The following PRKN variants were observed in gnomAD, a reference collection of about 807,000 sequenced individuals.
PRKN encodes the protein parkin RBR E3 ubiquitin protein ligase.
PRKN carries 56 observed loss-of-function variants against 59.5 expected under a neutral mutation model. The observed-to-expected ratio is 0.94, with a 90% confidence interval of 0.76 to 1.18. The LOEUF (loss-of-function observed/expected upper bound fraction) is 1.18. PRKN is among the 50% of genes most tolerant of loss of function. The pLI is 0.00. For synonymous variants in PRKN, 250 were observed against 222.1 expected, an observed-to-expected ratio of 1.13 and a Z score of -1.12; for missense variants, 657 against 596.4, an observed-to-expected ratio of 1.10 and a Z score of -1.06.
intron 7 of PRKN, among the ~76,000 whole-genome samples, chr6:161,628,051 C>A (rs75541685): frequency 0.021 from 3,267 of 152,172 alleles, 110 homozygotes; most frequent in African/African-American, 0.076. Flanking sequence ...TGTATCATGT[C>A]AATTAGAGTA....
At chr6:162,582,668 G>A (rs1780834918) in intron 1 of PRKN, among the ~76,000 whole-genome samples, 1 of 152,092 alleles carries the variant, frequency 6.6e-6, no homozygotes, top group South Asian at 2.1e-4. Flanking sequence ...CAAGTCTGAT[G>A]CTTAAATGGT....
intron 2 of PRKN, among the ~76,000 whole-genome samples, chr6:162,441,238 A>G (rs187022266): frequency 3.1e-3 from 466 of 152,062 alleles, no homozygotes; most frequent in African/African-American, 0.011. Context: ...ATGGCATGAC[A>G]TTTTTCTCTA....
At chr6:161,751,272 G>A (rs1268203289) in intron 7 of PRKN, among the ~76,000 whole-genome samples, 6 of 152,248 alleles carry the variant, frequency 3.9e-5, no homozygotes, top group East Asian at 3.9e-4. Flanking sequence ...GTAGAACATC[G>A]TCTGTTTGGT....
At chr6:161,711,894 CCTTCAGCCACAGACTG>C (rs1786764837) in intron 7 of PRKN, among the ~76,000 whole-genome samples, 1 of 152,140 alleles carries the variant, frequency 6.6e-6, no homozygotes, top group Non-Finnish European at 1.5e-5. Flanking sequence ...GGCTATTGGG[CCTTCAGCCACAGACTG>C]AAGGTTGCAC....
At chr6:162,455,728 A>G (rs1790840186) in intron 1 of PRKN, among the ~76,000 whole-genome samples, 1 of 152,188 alleles carries the variant, frequency 6.6e-6, no homozygotes, top group African/African-American at 2.4e-5. Flanking sequence ...CACTTTCCAC[A>G]AATGGAATAT....
Position 161,349,287 on chromosome 6 carries a change from T to A in PRKN, c.*812A>T, listed in dbSNP as rs767963623. ...AAAATGAATACTCAGAATCAAACTA[T>A]AGATTTTTTGGTGATACTTTCAGAA... On this transcript the variant is annotated 3_prime_UTR_variant, in exon 12 of 12. Transcript: ENST00000366898. This position sits in a 1 kb window ranked among gnomAD's most constrained non-coding sequence, Gnocchi z 5.5. 1 of 226,610 alleles carries A rather than the reference T, an allele frequency of 4.4e-6. No individual in the cohort carries two copies. Among genetic ancestry groups the A allele is most frequent in the Admixed American group, 5.7e-5 (1 of 17,584 alleles). 14.0% of individuals were successfully genotyped at this position (226,610 alleles called of 1,614,324 possible).
At chr6:161,939,509 C>A (rs140815441) in intron 6 of PRKN, among the ~76,000 whole-genome samples, 1,923 of 150,404 alleles carry the variant, frequency 0.013, 43 homozygotes, top group African/African-American at 0.043. Flanking sequence ...AGGCAGGCAG[C>A]TCACTTAAGG....
At chr6:162,515,554 T>C (rs973727240) in intron 1 of PRKN, among the ~76,000 whole-genome samples, 3 of 152,200 alleles carry the variant, frequency 2.0e-5, no homozygotes, top group African/African-American at 7.2e-5. Context: ...GTTGGTAATA[T>C]AAGTATTGGC....
chr6:162,333,366 C>T (rs777437897), intron 2 of PRKN, among the ~76,000 whole-genome samples: 22 of 151,772 alleles, frequency 1.4e-4, no homozygotes, highest in Non-Finnish European at 2.9e-4. Context: ...AGGTTTATGG[C>T]GACCGTGCAT....
intron 1 of PRKN, among the ~76,000 whole-genome samples, chr6:162,591,604 TA>T (rs1238102081): frequency 6.6e-6 from 1 of 152,132 alleles, no homozygotes; most frequent in African/African-American, 2.4e-5. Context: ...TAATACCAAA[TA>T]TCACCTAATA....
chr6:161,964,272 C>CAATGT (rs1780494746), intron 6 of PRKN, among the ~76,000 whole-genome samples: 2 of 151,928 alleles, frequency 1.3e-5, no homozygotes, highest in African/African-American at 4.8e-5. Flanking sequence ...TATTTTAAAT[C>CAATGT]AATGTAGCTA....
intron 6 of PRKN, among the ~76,000 whole-genome samples, chr6:161,910,551 G>A (rs913654952): frequency 3.9e-5 from 6 of 152,198 alleles, no homozygotes; most frequent in Non-Finnish European, 5.9e-5. Flanking sequence ...CACTGCGCCC[G>A]GCTGAAAGAA....
rs55714271 is a variant in PRKN at position 161,897,966 on chromosome 6, C to CAAAAAAAAAAAAAAAAAAAAAAAAA, written c.734+75335_734+75336insTTTTTTTTTTTTTTTTTTTTTTTTT. On this transcript the variant is annotated intron_variant, in intron 6 of 11. Transcript: ENST00000366898. The stretch of plus-strand genomic sequence containing the variant: ...TGGGTGACAGAGCGAGACTCCGTCT[C>CAAAAAAAAAAAAAAAAAAAAAAAAA]AAAAAAAAAAAAAAAAAAGTCTCCC... Among the ~76,000 whole-genome samples the CAAAAAAAAAAAAAAAAAAAAAAAAA allele has an allele frequency of 1.5e-3, 58 of 38,246 alleles. 1 individual carries two copies. The highest frequency in any genetic ancestry group is 2.1e-3 in the Non-Finnish European group (46 of 21,878). 25.1% of individuals were successfully genotyped at this position (38,246 alleles called of 152,430 possible). A position where few individuals can be genotyped will look rare whatever the true frequency, so the allele number is the denominator to read the frequency against.
chr6:161,836,120 C>T (rs977557182), intron 6 of PRKN, among the ~76,000 whole-genome samples: 4 of 152,172 alleles, frequency 2.6e-5, no homozygotes, highest in South Asian at 4.1e-4. Flanking sequence ...GCAGCTAACT[C>T]GGAGTGCGGC....
At chr6:161,962,540 C>CTT (rs567987319) in intron 6 of PRKN, among the ~76,000 whole-genome samples, 93 of 136,144 alleles carry the variant, frequency 6.8e-4, no homozygotes, top group African/African-American at 1.6e-3. Context: ...AATGTAGCAC[C>CTT]TTTTTTTTTT....
chr6:162,400,334 T>C (rs1787708399), intron 2 of PRKN, among the ~76,000 whole-genome samples: 1 of 151,374 alleles, frequency 6.6e-6, no homozygotes, highest in Non-Finnish European at 1.5e-5. Flanking sequence ...CTTATTAAAA[T>C]GATCAGTTTG....
intron 5 of PRKN, among the ~76,000 whole-genome samples, chr6:162,034,630 C>T (rs907781040): frequency 6.6e-6 from 1 of 152,190 alleles, no homozygotes; most frequent in African/African-American, 2.4e-5. Context: ...TTTGTTAACA[C>T]ACTTTTCCAA....
At chr6:161,943,422 C>T (rs1024668578) in intron 6 of PRKN, among the ~76,000 whole-genome samples, 1 of 152,060 alleles carries the variant, frequency 6.6e-6, no homozygotes, top group African/African-American at 2.4e-5. Context: ...TATAAATGCA[C>T]GAGTAAGTAT....
rs867971266 is a variant in PRKN at position 162,010,320 on chromosome 6, A to T, written c.619-36903T>A. Among the ~76,000 whole-genome samples the T allele has an allele frequency of 3.6e-3, 454 of 124,906 alleles. 1 individual carries two copies. The highest frequency in any genetic ancestry group is 0.015 in the South Asian group (67 of 4,416). 81.9% of individuals were successfully genotyped at this position (124,906 alleles called of 152,430 possible). On this transcript the variant is annotated intron_variant, in intron 5 of 11. Coordinates refer to ENST00000366898, the MANE Select transcript of PRKN (RefSeq NM_004562.3). ...TATATTTATTATATATATTTTATAT[A>T]TTTATAATATATAATATATAAATAA...
Sources: gnomAD v4.1 joint callset for allele counts (sites outside exome capture counted in the v4.1 genomes callset) on GRCh38, gnomAD v4.1.1 for gene constraint, Gnocchi (gnomAD v3.1) non-coding constraint, MANE v1.5 for transcripts, NCBI Gene and HGNC (gene_info 2026-07-23, HGNC 2026-07-21) for gene names.